Variants in KMT2C observed in about 807,000 individuals in gnomAD.
KMT2C encodes the protein lysine methyltransferase 2C.
KMT2C carries 88 observed loss-of-function variants against 507.9 expected under a neutral mutation model. The observed-to-expected ratio is 0.17, with a 90% CI of 0.15 to 0.21. The LOEUF is 0.21. Among genes scored for constraint, KMT2C ranks in the 10% least tolerant of loss-of-function variants. The probability of loss-of-function intolerance (pLI) is 1.00; values close to 1 mark genes in which losing one functional copy is unlikely to be tolerated. For missense variants in KMT2C, 4,954 were observed against 5,957.8 expected (o/e 0.83, Z 5.55); for synonymous variants, 2,049 against 2,080.8 (o/e 0.98, Z 0.42).
intron 41 of KMT2C, among the ~76,000 whole-genome samples, chr7:152,168,387 T>C (rs1177485644): frequency 6.6e-6 from 1 of 152,224 alleles, no homozygotes; most frequent in African/African-American, 2.4e-5. Context: ...ATTCAAATTA[T>C]AGTAACAATT....
intron 23 of KMT2C, among the ~76,000 whole-genome samples, chr7:152,209,837 C>G (rs552519664): frequency 6.6e-6 from 1 of 151,936 alleles, no homozygotes; most frequent in African/African-American, 2.4e-5. Flanking sequence ...AAAAAAGAAT[C>G]CAGTTTATAA....
At chr7:152,253,064 A>G (rs1176375452) in intron 9 of KMT2C, among the ~76,000 whole-genome samples, 1 of 152,096 alleles carries the variant, frequency 6.6e-6, no homozygotes, top group Non-Finnish European at 1.5e-5. Context: ...CATGTTGGCC[A>G]GGCTCATCTT....
At chr7:152,339,861 T>C (rs1297633590) in intron 2 of KMT2C, among the ~76,000 whole-genome samples, 1 of 152,134 alleles carries the variant, frequency 6.6e-6, no homozygotes, top group Non-Finnish European at 1.5e-5. Context: ...CAAAGATTTA[T>C]AAAAAGCACA....
chr7:152,214,631 G>A (rs2094528990), intron 23 of KMT2C, among the ~76,000 whole-genome samples: 1 of 152,192 alleles, frequency 6.6e-6, no homozygotes, highest in Admixed American at 6.5e-5. Flanking sequence ...TTTAAGAAAG[G>A]AGACACTGCC....
intron 57 of KMT2C, 113 bp downstream of exon 57, chr7:152,139,073 G>T: frequency 9.2e-7 from 1 of 1,084,978 alleles, no homozygotes; most frequent in Non-Finnish European, 1.4e-6. Context: ...TGCTCTGAAT[G>T]TTTAGTCACC....
chr7:152,434,102 C>A (rs114330466), intron 1 of KMT2C, among the ~76,000 whole-genome samples: 1,550 of 152,282 alleles, frequency 0.01, 32 homozygotes, highest in African/African-American at 0.036. Flanking sequence ...AAGTGGCTTA[C>A]ATGTCTAAAA....
chr7:152,300,154 A>G (rs2096554021), intron 6 of KMT2C, among the ~76,000 whole-genome samples: 1 of 152,356 alleles, frequency 6.6e-6, no homozygotes, highest in Non-Finnish European at 1.5e-5. Flanking sequence ...TTAGACAGAA[A>G]TATGTAGCAT....
intron 1 of KMT2C, chr7:152,368,689 T>C (rs2097267574): frequency 1.7e-5 from 23 of 1,388,142 alleles, no homozygotes; most frequent in Non-Finnish European, 2.1e-5. Flanking sequence ...AGTTACGTAT[T>C]AGTTGCCAAT....
chr7:152,235,620 G>GT (rs2095253494), intron 16 of KMT2C, among the ~76,000 whole-genome samples, 197 bp downstream of exon 16: 1 of 152,196 alleles, frequency 6.6e-6, no homozygotes, highest in African/African-American at 2.4e-5. Context: ...AAAGAGGAAG[G>GT]TAAGAAAAGA....
chr7:152,424,616 G>A (rs1177909449), intron 1 of KMT2C, among the ~76,000 whole-genome samples: 1 of 152,140 alleles, frequency 6.6e-6, no homozygotes, highest in Non-Finnish European at 1.5e-5. Context: ...TAGAGACAGT[G>A]TCTTGCTATA....
At chr7:152,274,232 C>T (rs2096034344) in intron 6 of KMT2C, among the ~76,000 whole-genome samples, 1 of 151,842 alleles carries the variant, frequency 6.6e-6, no homozygotes, top group Non-Finnish European at 1.5e-5. Context: ...TTAAATCCCA[C>T]CAAAACTAGT....
rs779597370 is a variant in KMT2C at position 152,181,352 on chromosome 7, T to C, written c.6508A>G (p.Thr2170Ala). Residue 2170 changes from threonine (T) to alanine (A), a missense_variant, in exon 36 of 59, where the codon ACT becomes GCT. By Grantham distance (58) the Thr-to-Ala change is moderately conservative (BLOSUM62 0). This residue lies in a region of KMT2C where 1,689 missense variants were observed against 1,654.3 expected (regional missense o/e 1.02). Transcript: ENST00000262189. ...GGCTGCTGACTATATGGGTCAACAG[T>C]AGTAGGCCGGGGAGTTCCAGGAGGT... ...SQPPGTPRPT[T>A]VDPYSQQPQT... 5 of 1,613,890 alleles carry C rather than the reference T, an allele frequency of 3.1e-6. No individual in the cohort carries two copies. Among genetic ancestry groups the C allele is most frequent in the South Asian group, 1.1e-5 (1 of 91,050 alleles).
intron 9 of KMT2C, among the ~76,000 whole-genome samples, chr7:152,255,144 T>TATATACATAC (rs1361185988): frequency 8.3e-6 from 1 of 120,396 alleles, no homozygotes; most frequent in African/African-American, 3.4e-5. Context: ...TATATATATA[T>TATATACATAC]ACATATATAT....
At chr7:152,346,901 C>T (rs1200011163) in intron 2 of KMT2C, among the ~76,000 whole-genome samples, 5 of 151,966 alleles carry the variant, frequency 3.3e-5, no homozygotes, top group East Asian at 1.9e-4. Context: ...CCGAGGCGGG[C>T]GGATCAGGAG....
At chr7:152,268,818 A>G (rs1213719336) in intron 7 of KMT2C, among the ~76,000 whole-genome samples, 2 of 152,194 alleles carry the variant, frequency 1.3e-5, no homozygotes, top group Non-Finnish European at 2.9e-5. Context: ...AACTTTCTAG[A>G]GTTTGCTCCC....
At chr7:152,329,451 T>G (rs949330334) in intron 3 of KMT2C, among the ~76,000 whole-genome samples, 1 of 151,872 alleles carries the variant, frequency 6.6e-6, no homozygotes, top group South Asian at 2.1e-4. Flanking sequence ...ACACCTGTAG[T>G]CCCAGCCACC....
Position 152,311,949 on chromosome 7 carries a change from GAAAAT to G in KMT2C, c.591-8_591-4del, listed in dbSNP as rs552048274. 220 of 1,533,652 alleles carry G rather than the reference GAAAAT, an allele frequency of 1.4e-4. No individual in the cohort carries two copies. In the African/African-American group the frequency reaches 2.2e-3, roughly 16 times the overall value. ...TATTCTGCTGAGGAGATCGTTCTCT[GAAAAT>G]AAAATAAAATAACTGTGAAAGTGAA... is the stretch of plus-strand genomic sequence containing the variant. On this transcript the variant is annotated splice_region_variant and splice_polypyrimidine_tract_variant and intron_variant, in intron 4 of 58. Coordinates refer to ENST00000262189, the MANE Select transcript of KMT2C (RefSeq NM_170606.3).
In KMT2C at chr7:152,409,084, G is replaced by T. The variant is rs527842879; in HGVS notation, c.161+26542C>A. Among the ~76,000 whole-genome samples, 9 of 151,926 alleles carry T rather than the reference G, an allele frequency of 5.9e-5. 1 individual carries two copies. The South Asian group carries it at 1.9e-3, about 32-fold the overall frequency. ...AGTGGCGCCATCTCAACTCACTGCAGTCTTGACCTCCGGAGCTCAACCTGA... is the reference window on the plus strand; with the variant it reads ...AGTGGCGCCATCTCAACTCACTGCATTCTTGACCTCCGGAGCTCAACCTGA... On this transcript the variant is annotated intron_variant, in intron 1 of 58. Transcript: ENST00000262189.
intron 2 of KMT2C, among the ~76,000 whole-genome samples, chr7:152,341,560 C>CA (rs2096992415): frequency 1.3e-5 from 2 of 152,146 alleles, no homozygotes; most frequent in Admixed American, 1.3e-4. Context: ...ATGGGCCTGT[C>CA]AAGCAGGCTT....
Sources: gnomAD v4.1 joint callset for allele counts (sites outside exome capture counted in the v4.1 genomes callset) on GRCh38, gnomAD v4.1.1 for gene constraint, gnomAD v4.1.1 regional missense constraint, MANE v1.5 for transcripts, NCBI Gene and HGNC (gene_info 2026-07-23, HGNC 2026-07-21) for gene names.